Variants in HSPBAP1 observed in about 807,000 individuals in gnomAD.
HSPBAP1 encodes HSPB1 associated protein 1.
In HSPBAP1, 27 loss-of-function variants were observed where a neutral mutation model predicts 45.2. The observed-to-expected ratio is 0.60, with a 90% CI of 0.44 to 0.82. The LOEUF is 0.82. Ranked by LOEUF, HSPBAP1 falls within the 40% of genes least tolerant of loss-of-function variation. The pLI is 0.00. For missense variants in HSPBAP1, 510 were observed against 590.9 expected, an observed-to-expected ratio of 0.86 and a Z score of 1.42; for synonymous variants, 204 against 202.7, an observed-to-expected ratio of 1.01 and a Z score of -0.06.
At chr3:122,749,175 T>C (rs2107502027) in intron 6 of HSPBAP1, among the ~76,000 whole-genome samples, 1 of 151,878 alleles carries the variant, frequency 6.6e-6, no homozygotes, top group Non-Finnish European at 1.5e-5. Context: ...TAGATATATA[T>C]GTTTACAAGA....
At chr3:122,770,922 T>C (rs576840787) in intron 2 of HSPBAP1, among the ~76,000 whole-genome samples, 2 of 152,368 alleles carry the variant, frequency 1.3e-5, no homozygotes, top group South Asian at 4.1e-4. Flanking sequence ...CTTCCTAGAA[T>C]TCAGTCCAAC....
chr3:122,792,950 C>A (rs1345046442), intron 1 of HSPBAP1, among the ~76,000 whole-genome samples: 2 of 152,036 alleles, frequency 1.3e-5, no homozygotes, highest in Admixed American at 1.3e-4. Context: ...CATTTATGTT[C>A]TCCCCACTGA....
chr3:122,784,957 TA>T (rs1371173383), intron 1 of HSPBAP1, among the ~76,000 whole-genome samples: 2 of 152,234 alleles, frequency 1.3e-5, no homozygotes, highest in African/African-American at 4.8e-5. Flanking sequence ...GCAGAGACGG[TA>T]ATTCATTTCC....
intron 2 of HSPBAP1, among the ~76,000 whole-genome samples, chr3:122,776,994 CA>C (rs1166482953): frequency 6.6e-6 from 1 of 152,044 alleles, no homozygotes; most frequent in Admixed American, 6.6e-5. Flanking sequence ...TATTGAAATA[CA>C]AGTTAAACAT....
intron 3 of HSPBAP1, among the ~76,000 whole-genome samples, chr3:122,760,565 T>G (rs1251477729): frequency 6.6e-6 from 1 of 152,032 alleles, no homozygotes; most frequent in East Asian, 1.9e-4. Context: ...CATTTTTGCT[T>G]TGAGTGATGA....
chr3:122,791,026 TGG>T (rs1935812447), intron 1 of HSPBAP1, among the ~76,000 whole-genome samples: 1 of 152,194 alleles, frequency 6.6e-6, no homozygotes, highest in Non-Finnish European at 1.5e-5. Context: ...ATAATAAAAA[TGG>T]TCACGATTCT....
intron 1 of HSPBAP1, among the ~76,000 whole-genome samples, chr3:122,780,858 G>A (rs1379799279): frequency 1.5e-5 from 2 of 134,670 alleles, no homozygotes; most frequent in Admixed American, 7.3e-5. Flanking sequence ...GGGCAGAGAC[G>A]CTCCTCACCT....
chr3:122,748,994 T>C (rs1934028902), intron 6 of HSPBAP1, among the ~76,000 whole-genome samples: 1 of 152,170 alleles, frequency 6.6e-6, no homozygotes, highest in South Asian at 2.1e-4. Context: ...CACTATAGTT[T>C]ATTACTTTCT....
At position 122,742,048 on chromosome 3, in the gene HSPBAP1, T is replaced by C. The variant is rs561054197; in HGVS notation, c.826-935A>G. 3.3e-5 allele frequency among the ~76,000 whole-genome samples: 5 copies of C among 152,040 alleles called. No individual in the cohort carries two copies. In the South Asian group the frequency reaches 8.3e-4, roughly 25 times the overall value. On this transcript the variant is annotated intron_variant, in intron 6 of 7. Transcript: ENST00000306103. Reference sequence around the variant, plus strand: ...CACAGTCTAGATAAACTTTTGCACATGTGTGCCAGGAAACATGTACAAGAA... The same window carrying C: ...CACAGTCTAGATAAACTTTTGCACACGTGTGCCAGGAAACATGTACAAGAA...
chr3:122,751,729 G>C (rs1934150039), intron 6 of HSPBAP1, among the ~76,000 whole-genome samples: 1 of 152,124 alleles, frequency 6.6e-6, no homozygotes, highest in African/African-American at 2.4e-5. Flanking sequence ...CATGCTATAG[G>C]CGAAATTTCT....
At chr3:122,755,136 C>T in intron 5 of HSPBAP1, 124 bp downstream of exon 5, 1 of 1,205,352 alleles carries the variant, frequency 8.3e-7, no homozygotes, top group Admixed American at 3.8e-5. Context: ...AACAGCAGAG[C>T]AGAGGGAAGG....
chr3:122,741,043 T>C lies in HSPBAP1; in HGVS notation c.896A>G (p.Glu299Gly), dbSNP rs1287073399. Reference protein sequence around the residue: ...RMLVCALKTAENPQNTRAWLN... With the variant: ...RMLVCALKTAGNPQNTRAWLN... Reference sequence around the variant, plus strand: ...CCAGGCTCTGGTATTTTGTGGATTCTCTGCAGTTTTCAGGGCACACACAAG... The same window carrying C: ...CCAGGCTCTGGTATTTTGTGGATTCCCTGCAGTTTTCAGGGCACACACAAG... Residue 299 changes from glutamate to glycine, a missense_variant, in exon 7 of 8, where the codon GAG (glutamate) becomes GGG (glycine). Transcript: ENST00000306103. The C allele has an allele frequency of 6.2e-7, 1 of 1,614,208 alleles. No individual in the cohort carries two copies. The highest frequency in any genetic ancestry group is 2.2e-5 in the East Asian group (1 of 44,882).
chr3:122,773,780 G>A (rs1935093606), intron 2 of HSPBAP1, among the ~76,000 whole-genome samples: 1 of 151,662 alleles, frequency 6.6e-6, no homozygotes, highest in African/African-American at 2.4e-5. Context: ...GGGACAACAG[G>A]TGCACACCAT....
rs192451298 is a variant in HSPBAP1 at position 122,772,207 on chromosome 3, G to A, written c.251-3325C>T. Among the ~76,000 whole-genome samples, 8 of 152,254 alleles carry A rather than the reference G, an allele frequency of 5.3e-5. No homozygotes were observed. The East Asian group carries it at 1.5e-3, about 29-fold the overall frequency. ...ACATGTTCCTGTGTGGGAAGATACA[G>A]TATTATAACAATGGGATTAATTAAT... On this transcript the variant is annotated intron_variant, in intron 2 of 7. Coordinates refer to ENST00000306103, the MANE Select transcript of HSPBAP1 (RefSeq NM_024610.6).
At chr3:122,779,481 A>C (rs1403074347) in intron 1 of HSPBAP1, among the ~76,000 whole-genome samples, 1 of 109,886 alleles carries the variant, frequency 9.1e-6, no homozygotes, top group Non-Finnish European at 2.2e-5. Context: ...TAAACTCTTG[A>C]ATATGTTTTC....
intron 6 of HSPBAP1, among the ~76,000 whole-genome samples, chr3:122,750,053 CA>C (rs370429340): frequency 8.6e-4 from 130 of 151,350 alleles, no homozygotes; most frequent in African/African-American, 3.1e-3. Flanking sequence ...CGGCTCACTG[CA>C]ACTTCTGTCT....
chr3:122,775,105 G>A lies in HSPBAP1; in HGVS notation c.250+2616C>T, dbSNP rs2107528659. ...AAATCATACAATCTCAAGAGAAGCTGCTCAGAGTAAAAGAAAAAAAAAAAG... is the reference window on the plus strand; with the variant it reads ...AAATCATACAATCTCAAGAGAAGCTACTCAGAGTAAAAGAAAAAAAAAAAG... On this transcript the variant is annotated intron_variant, in intron 2 of 7. Transcript: ENST00000306103. Among the ~76,000 whole-genome samples the A allele has an allele frequency of 2.0e-5, 3 of 151,506 alleles. No homozygotes were observed. In the South Asian group the frequency reaches 6.2e-4, roughly 31 times the overall value.
intron 6 of HSPBAP1, among the ~76,000 whole-genome samples, chr3:122,747,501 C>G (rs1352724980): frequency 1.3e-5 from 2 of 151,184 alleles, no homozygotes; most frequent in African/African-American, 4.9e-5. Context: ...GGGTCAGCCC[C>G]CCTCCCGGCC....
At chr3:122,787,414 A>T (rs1318008038) in intron 1 of HSPBAP1, among the ~76,000 whole-genome samples, 2 of 152,220 alleles carry the variant, frequency 1.3e-5, no homozygotes, top group Non-Finnish European at 2.9e-5. Flanking sequence ...AAGAATAAGG[A>T]ACATTTACCA....
Sources: allele counts gnomAD v4.1 joint callset (sites outside exome capture counted in the v4.1 genomes callset), GRCh38; gene constraint gnomAD v4.1.1; transcripts MANE v1.5; gene names NCBI Gene and HGNC (gene_info 2026-07-23, HGNC 2026-07-21).